Variants in TRAPPC9 observed in about 807,000 individuals in gnomAD.
TRAPPC9 encodes trafficking protein particle complex subunit 9, also known as IKK2 binding protein.
In TRAPPC9, 83 loss-of-function variants were observed where a neutral mutation model predicts 124.0. That is an observed-to-expected ratio of 0.67 (90% CI 0.56 to 0.80). The LOEUF is 0.80. Ranked by LOEUF, TRAPPC9 falls within the 30% of genes least tolerant of loss-of-function variation. TRAPPC9 has a pLI of 0.00. For missense variants in TRAPPC9, 1,302 were observed against 1,508.3 expected (o/e 0.86, Z 2.27); for synonymous variants, 638 against 617.5 (o/e 1.03, Z -0.49).
intron 17 of TRAPPC9, among the ~76,000 whole-genome samples, chr8:140,089,972 C>A (rs374887229): frequency 6.6e-6 from 1 of 152,148 alleles, no homozygotes; most frequent in South Asian, 2.1e-4. Flanking sequence ...CCCAGCTGCT[C>A]GGGAGGCTGA....
At chr8:139,758,571 C>T (rs533386648) in intron 21 of TRAPPC9, among the ~76,000 whole-genome samples, 4 of 152,060 alleles carry the variant, frequency 2.6e-5, no homozygotes, top group African/African-American at 7.2e-5. Context: ...AAACGGGGTA[C>T]GAGGGAAGCA....
At chr8:140,135,042 T>G (rs2061276429) in intron 17 of TRAPPC9, among the ~76,000 whole-genome samples, 1 of 152,140 alleles carries the variant, frequency 6.6e-6, no homozygotes, top group South Asian at 2.1e-4. Context: ...GATATAAAAA[T>G]GGCCAATAAG....
At chr8:140,427,464 T>C (rs984367357) in intron 4 of TRAPPC9, among the ~76,000 whole-genome samples, 3 of 152,102 alleles carry the variant, frequency 2.0e-5, no homozygotes, top group Non-Finnish European at 4.4e-5. Context: ...TTTTAGAAGG[T>C]AGCTTTGTAG....
intron 19 of TRAPPC9, among the ~76,000 whole-genome samples, chr8:139,936,623 G>A (rs1012489647): frequency 1.2e-4 from 19 of 152,364 alleles, no homozygotes; most frequent in Admixed American, 1.1e-3. Flanking sequence ...CACACAGGAC[G>A]AGTGGGCACT....
chr8:139,860,695 A>G (rs1042528803), intron 21 of TRAPPC9, among the ~76,000 whole-genome samples: 7 of 152,234 alleles, frequency 4.6e-5, no homozygotes, highest in African/African-American at 1.7e-4. Context: ...TCCATGGTCT[A>G]TGGTCAGCAA....
rs76128545 is a variant in TRAPPC9 at position 139,823,828 on chromosome 8, G to C, written c.3055+62051C>G. 1.4e-3 allele frequency among the ~76,000 whole-genome samples: 219 copies of C among 152,288 alleles called. 3 individuals carry two copies. The East Asian group carries it at 0.032, about 22-fold the overall frequency. ...ATGGGCATCCTCAGGATAATAAAAC[G>C]TGAACAGCTGGGGTCTCGCGGCCAC... On this transcript the variant is annotated intron_variant, in intron 21 of 22. Coordinates refer to ENST00000438773, the MANE Select transcript of TRAPPC9 (RefSeq NM_001160372.4).
chr8:139,925,679 C>T (rs1156439778), intron 19 of TRAPPC9, among the ~76,000 whole-genome samples: 1 of 150,670 alleles, frequency 6.6e-6, no homozygotes, highest in Non-Finnish European at 1.5e-5. Context: ...ACCTGGGAGG[C>T]AGAGGTTGCA....
intron 19 of TRAPPC9, among the ~76,000 whole-genome samples, chr8:139,964,630 A>T (rs1835578709): frequency 1.3e-5 from 2 of 152,188 alleles, no homozygotes; most frequent in Admixed American, 6.5e-5. Context: ...CTTCGGAGGT[A>T]TTTCTATACA....
At chr8:139,859,567 G>A (rs1828003734) in intron 21 of TRAPPC9, among the ~76,000 whole-genome samples, 1 of 152,236 alleles carries the variant, frequency 6.6e-6, no homozygotes, top group South Asian at 2.1e-4. Context: ...AGAATGACCA[G>A]TGGCTGCTCT....
intron 17 of TRAPPC9, among the ~76,000 whole-genome samples, chr8:140,059,511 T>A (rs1842472419): frequency 6.6e-6 from 1 of 152,212 alleles, no homozygotes; most frequent in Non-Finnish European, 1.5e-5. Context: ...TGTTTAACTT[T>A]AAAAGAAACT....
intron 20 of TRAPPC9, among the ~76,000 whole-genome samples, chr8:139,904,016 A>C (rs1335274127): frequency 6.6e-6 from 1 of 152,096 alleles, no homozygotes; most frequent in Non-Finnish European, 1.5e-5. Flanking sequence ...GTCTCAAAAA[A>C]CAAACAGTTT....
At chr8:140,380,237 C>T (rs990127943) in intron 7 of TRAPPC9, among the ~76,000 whole-genome samples, 3 of 152,096 alleles carry the variant, frequency 2.0e-5, no homozygotes, top group African/African-American at 4.8e-5. Flanking sequence ...GGCATAAGTA[C>T]CACATAAGAT....
intron 17 of TRAPPC9, among the ~76,000 whole-genome samples, chr8:140,153,438 T>C (rs1029888482): frequency 6.6e-6 from 1 of 152,138 alleles, no homozygotes. Context: ...CTAAATGCAA[T>C]GTAGGTAAGC....
At chr8:140,357,443 C>T (rs1249171808) in intron 9 of TRAPPC9, among the ~76,000 whole-genome samples, 1 of 152,056 alleles carries the variant, frequency 6.6e-6, no homozygotes, top group Non-Finnish European at 1.5e-5. Flanking sequence ...GGGGACACTG[C>T]CACCAGGAGA....
At chr8:140,168,955 A>T (rs1382869395) in intron 17 of TRAPPC9, among the ~76,000 whole-genome samples, 1 of 151,460 alleles carries the variant, frequency 6.6e-6, no homozygotes, top group Non-Finnish European at 1.5e-5. Flanking sequence ...GGCTTTTAAT[A>T]AATGCCTGTT....
chr8:140,388,049 A>T (rs2068805395), intron 7 of TRAPPC9, among the ~76,000 whole-genome samples: 1 of 152,006 alleles, frequency 6.6e-6, no homozygotes. Context: ...AGCCATAAAA[A>T]AGGATGAGTT....
At chr8:139,762,679 C>G (rs903100084) in intron 21 of TRAPPC9, among the ~76,000 whole-genome samples, 1 of 152,180 alleles carries the variant, frequency 6.6e-6, no homozygotes, top group Non-Finnish European at 1.5e-5. Context: ...ATGTGGTGCA[C>G]GACTGTAATT....
chr8:139,993,371 C>T lies in TRAPPC9; in HGVS notation c.2700-4535G>A, dbSNP rs74436096. ...AATAAACCCCAAGAGTATTATTTCT[C>T]ACCCAACCTATTGGTAATATTTTTA... On this transcript the variant is annotated intron_variant, in intron 18 of 22. Transcript: ENST00000438773. 5.1e-4 allele frequency among the ~76,000 whole-genome samples: 77 copies of T among 152,312 alleles called. No homozygotes were observed. In the East Asian group the frequency reaches 5.6e-3, roughly 11 times the overall value.
At chr8:140,003,955 T>C (rs2169410) in intron 18 of TRAPPC9, among the ~76,000 whole-genome samples, 3,943 of 152,316 alleles carry the variant, frequency 0.026, 135 homozygotes, top group African/African-American at 0.089. Context: ...AAATGTCCTT[T>C]AAACAGTGAA....
Sources: allele counts gnomAD v4.1 joint callset (sites outside exome capture counted in the v4.1 genomes callset), GRCh38; gene constraint gnomAD v4.1.1; transcripts MANE v1.5; gene names NCBI Gene and HGNC (gene_info 2026-07-23, HGNC 2026-07-21).